SGPP2: variants seen among roughly 807,000 people sequenced by gnomAD.
The protein encoded by SGPP2 is sphingosine-1-phosphate phosphatase 2, also known as sphingosine 1-phosphate phosphohydrolase 2.
SGPP2 carries 30 observed loss-of-function variants against 33.9 expected under a neutral mutation model. The ratio of observed to expected loss-of-function variants is 0.89; its 90% CI spans 0.66 to 1.20. The LOEUF (loss-of-function observed/expected upper bound fraction) is 1.20, where lower values mean the gene tolerates loss of function less well. Among genes scored for constraint, SGPP2 ranks in the 50% most tolerant of loss-of-function variants. SGPP2 has a pLI of 0.00. For missense variants in SGPP2, 458 were observed against 532.1 expected (o/e 0.86, Z 1.37); for synonymous variants, 233 against 225.0 (o/e 1.04, Z -0.32).
At chr2:222,483,565 G>C (rs988356117) in intron 2 of SGPP2, among the ~76,000 whole-genome samples, 6 of 152,198 alleles carry the variant, frequency 3.9e-5, no homozygotes, top group Non-Finnish European at 5.9e-5. Flanking sequence ...AACTGCTGTA[G>C]AGTTTAGGGT....
At chr2:222,517,834 G>A (rs945284753) in intron 2 of SGPP2, among the ~76,000 whole-genome samples, 6 of 152,340 alleles carry the variant, frequency 3.9e-5, no homozygotes, top group East Asian at 1.9e-4. Context: ...CCTGTTGCAC[G>A]TCCTGTGAAG....
intron 1 of SGPP2, among the ~76,000 whole-genome samples, chr2:222,443,917 T>C (rs1484327946): frequency 6.6e-6 from 1 of 152,196 alleles, no homozygotes; most frequent in Non-Finnish European, 1.5e-5. Flanking sequence ...TGGGGAGAAA[T>C]AATCACATAT....
At chr2:222,442,234 A>C (rs1352092389) in intron 1 of SGPP2, among the ~76,000 whole-genome samples, 1 of 152,194 alleles carries the variant, frequency 6.6e-6, no homozygotes, top group Admixed American at 6.5e-5. Flanking sequence ...GTTTCTTTAA[A>C]AGTTGCTTTT....
intron 2 of SGPP2, chr2:222,504,511 G>T (rs1698415624): frequency 6.6e-6 from 1 of 152,220 alleles, no homozygotes; most frequent in South Asian, 2.1e-4. Context: ...ATAACCCTTT[G>T]CTTCCACCTT....
In SGPP2 at chr2:222,477,062, T is replaced by A. The variant is rs537680846; in HGVS notation, c.378+2336T>A. Among the ~76,000 whole-genome samples, 4 of 150,522 alleles carry A rather than the reference T, an allele frequency of 2.7e-5. No homozygotes were observed. In the East Asian group the frequency reaches 5.8e-4, roughly 22 times the overall value. On this transcript the variant is annotated intron_variant, in intron 2 of 4. Coordinates refer to ENST00000321276, the MANE Select transcript of SGPP2 (RefSeq NM_152386.4). This position sits in a 1 kb window ranked among gnomAD's most constrained non-coding sequence, Gnocchi z 6.0. The stretch of plus-strand genomic sequence containing the variant: ...GTATGTGTGTATAGGTGTGTATATA[T>A]GTGTGTTTATAGATATGTATATATT...
intron 2 of SGPP2, among the ~76,000 whole-genome samples, chr2:222,489,358 A>T (rs1332575231): frequency 6.6e-6 from 1 of 151,630 alleles, no homozygotes; most frequent in Non-Finnish European, 1.5e-5. Context: ...AAAAGTCTCC[A>T]TTTTTTTCTG....
intron 4 of SGPP2, among the ~76,000 whole-genome samples, chr2:222,545,801 G>A (rs1689182423): frequency 6.6e-6 from 1 of 152,118 alleles, no homozygotes; most frequent in Non-Finnish European, 1.5e-5. Context: ...TCAGAATTGA[G>A]CCGGGCCAAG....
chr2:222,538,856 A>G (rs890527829), intron 4 of SGPP2, among the ~76,000 whole-genome samples: 2 of 152,186 alleles, frequency 1.3e-5, no homozygotes, highest in African/African-American at 4.8e-5. Flanking sequence ...TAAACCATTC[A>G]TGAAGGATCC....
chr2:222,437,879 G>C (rs1041539528), intron 1 of SGPP2, among the ~76,000 whole-genome samples: 1 of 152,178 alleles, frequency 6.6e-6, no homozygotes, highest in African/African-American at 2.4e-5. Flanking sequence ...CCCACTGTGA[G>C]TCACCTATGG....
intron 2 of SGPP2, among the ~76,000 whole-genome samples, chr2:222,491,902 G>A (rs13404558): frequency 0.17 from 25,474 of 152,096 alleles, 2,534 homozygotes; most frequent in East Asian, 0.5. Context: ...ACAGGCATTG[G>A]GTAAATACAT....
In SGPP2 at chr2:222,476,328, G is replaced by T. The variant is rs1170132973; in HGVS notation, c.378+1602G>T. Among the ~76,000 whole-genome samples the T allele has an allele frequency of 6.6e-6, 1 of 152,080 alleles. No homozygotes were observed. Among genetic ancestry groups the T allele is most frequent in the Admixed American group, 6.6e-5 (1 of 15,264 alleles). ...CAGGGTGAGGGGTGGCAAGGGCGGG[G>T]TATCCACACAAATTCTTCACCAGGT... On this transcript the variant is annotated intron_variant, in intron 2 of 4. Transcript: ENST00000321276. The surrounding 1 kb of genome is among the most constrained non-coding windows in gnomAD (Gnocchi z 4.3).
intron 4 of SGPP2, among the ~76,000 whole-genome samples, chr2:222,526,759 G>A (rs544711051): frequency 9.9e-5 from 15 of 152,220 alleles, no homozygotes; most frequent in Admixed American, 2.0e-4. Flanking sequence ...AAACTAACAC[G>A]GGAACAGAAA....
intron 2 of SGPP2, among the ~76,000 whole-genome samples, chr2:222,489,763 C>G (rs754888799): frequency 9.2e-5 from 14 of 152,148 alleles, no homozygotes; most frequent in Non-Finnish European, 1.3e-4. Context: ...GTCAGGAGTT[C>G]AAGACCAGCC....
chr2:222,435,085 T>C (rs1043314504), intron 1 of SGPP2, among the ~76,000 whole-genome samples: 15 of 103,060 alleles, frequency 1.5e-4, no homozygotes, highest in African/African-American at 3.5e-4. Flanking sequence ...TATATACACA[T>C]ATATATATAT....
chr2:222,445,292 C>T (rs1186223199), intron 1 of SGPP2, among the ~76,000 whole-genome samples: 1 of 152,208 alleles, frequency 6.6e-6, no homozygotes, highest in Non-Finnish European at 1.5e-5. Flanking sequence ...TGGAGCCTGT[C>T]TAAACTTTCT....
chr2:222,451,225 G>A (rs959933224), intron 1 of SGPP2, among the ~76,000 whole-genome samples: 1 of 150,892 alleles, frequency 6.6e-6, no homozygotes, highest in Non-Finnish European at 1.5e-5. Flanking sequence ...AATTTTCAAA[G>A]TTCCTATGAA....
intron 4 of SGPP2, among the ~76,000 whole-genome samples, chr2:222,530,899 A>G (rs1008606135): frequency 3.9e-5 from 6 of 152,170 alleles, no homozygotes; most frequent in Non-Finnish European, 2.9e-5. Flanking sequence ...AGCCAGGTGC[A>G]GTGGCTCACC....
chr2:222,453,869 A>G (rs1401452383), intron 1 of SGPP2, among the ~76,000 whole-genome samples: 1 of 152,156 alleles, frequency 6.6e-6, no homozygotes, highest in East Asian at 1.9e-4. Flanking sequence ...TCAAGGGTCA[A>G]CTGTATTTTA....
At position 222,477,316 on chromosome 2, in the gene SGPP2, T is replaced by C. The variant is rs1697957438; in HGVS notation, c.378+2590T>C. On this transcript the variant is annotated intron_variant, in intron 2 of 4. Coordinates refer to ENST00000321276, the MANE Select transcript of SGPP2 (RefSeq NM_152386.4). This position sits in a 1 kb window ranked among gnomAD's most constrained non-coding sequence, Gnocchi z 6.0. Reference sequence around the variant, plus strand: ...GTATATGTGTGTATATAGGTGTGAGTATATATGTGTGTCTATGTGTGTGTG... The same window carrying C: ...GTATATGTGTGTATATAGGTGTGAGCATATATGTGTGTCTATGTGTGTGTG... Among the ~76,000 whole-genome samples, 1 of 150,372 alleles carries C rather than the reference T, an allele frequency of 6.7e-6. No individual in the cohort carries two copies.
Sources: gnomAD v4.1 joint callset for allele counts (sites outside exome capture counted in the v4.1 genomes callset) on GRCh38, gnomAD v4.1.1 for gene constraint, Gnocchi (gnomAD v3.1) non-coding constraint, MANE v1.5 for transcripts, NCBI Gene and HGNC (gene_info 2026-07-23, HGNC 2026-07-21) for gene names.